The following PDE11A variants were observed in gnomAD, a reference collection of about 807,000 sequenced individuals.
PDE11A encodes dual 3',5'-cyclic-AMP and -GMP phosphodiesterase 11A.
Under a neutral mutation model 100.5 loss-of-function variants are expected in PDE11A, and 100 were observed. That is an observed-to-expected ratio of 1.00 (90% CI 0.85 to 1.18). PDE11A has a LOEUF of 1.18. PDE11A is among the 50% of genes most tolerant of loss of function. PDE11A has a pLI of 0.00. For missense variants in PDE11A, 1,141 were observed against 1,152.6 expected (o/e 0.99, Z 0.15); for synonymous variants, 381 against 420.8 (o/e 0.91, Z 1.16).
intron 2 of PDE11A, among the ~76,000 whole-genome samples, chr2:178,093,797 T>TGGA (rs1205029670): frequency 6.6e-6 from 1 of 152,172 alleles, no homozygotes; most frequent in East Asian, 1.9e-4. Context: ...TTTTACACCA[T>TGGA]GGAGGACCAG....
intron 1 of PDE11A, among the ~76,000 whole-genome samples, chr2:178,050,751 G>A (rs1025428565): frequency 6.6e-6 from 1 of 152,186 alleles, no homozygotes; most frequent in Non-Finnish European, 1.5e-5. Flanking sequence ...GGAAGAAAGG[G>A]TATCAGTGAT....
At chr2:177,667,158 G>A (rs1345102549) in intron 18 of PDE11A, among the ~76,000 whole-genome samples, 1 of 151,912 alleles carries the variant, frequency 6.6e-6, no homozygotes, top group African/African-American at 2.4e-5. Flanking sequence ...AAGTGATCAG[G>A]CCGCCTCAGC....
At chr2:178,073,166 G>A (rs976417309), upstream of PDE11A, 8 of 659,282 alleles carry the variant, frequency 1.2e-5, no homozygotes, top group Non-Finnish European at 1.5e-5. Context: ...GGACTCCGAG[G>A]AATCGAGAGT....
At position 177,624,239 on chromosome 2, in the gene PDE11A, A is replaced by T. The variant is rs998452830; in HGVS notation, c.*5168T>A. 1.4e-5 allele frequency: 2 copies of T among 142,064 alleles called. No individual in the cohort carries two copies. Among genetic ancestry groups the T allele is most frequent in the African/African-American group, 5.1e-5 (2 of 39,410 alleles). 8.8% of individuals were successfully genotyped at this position (142,064 alleles called of 1,614,324 possible). A position where few individuals can be genotyped will look rare whatever the true frequency, so the allele number is the denominator to read the frequency against. ...TAGGTTTTGTTCTGTTGCTTTAATG[A>T]ATCCTTTTTGTGTTTTGGTGGTTTT... On this transcript the variant is annotated 3_prime_UTR_variant, in exon 20 of 20. Transcript: ENST00000286063.
chr2:177,919,867 A>G (rs574626568), intron 2 of PDE11A, among the ~76,000 whole-genome samples: 4 of 152,306 alleles, frequency 2.6e-5, no homozygotes, highest in Admixed American at 6.5e-5. Flanking sequence ...AAATAAGAGG[A>G]ACCAATTGTA....
chr2:178,068,650 C>T (rs2087082605), intron 1 of PDE11A, among the ~76,000 whole-genome samples: 1 of 152,070 alleles, frequency 6.6e-6, no homozygotes, highest in Non-Finnish European at 1.5e-5. Flanking sequence ...CTTCAAGATG[C>T]TTGCATATAT....
At chr2:178,005,254 A>G (rs2086192366) in intron 2 of PDE11A, among the ~76,000 whole-genome samples, 1 of 152,062 alleles carries the variant, frequency 6.6e-6, no homozygotes, top group South Asian at 2.1e-4. Flanking sequence ...CTAGTGAAAT[A>G]CCCTACTTTA....
chr2:177,885,431 G>T (rs2365899), intron 4 of PDE11A, among the ~76,000 whole-genome samples: 43,504 of 151,962 alleles, frequency 0.29, 6,394 homozygotes, highest in Middle Eastern at 0.37. Flanking sequence ...TGGTATCCAT[G>T]CGCTGTCCTG....
At chr2:178,034,937 C>T (rs566306245) in intron 1 of PDE11A, among the ~76,000 whole-genome samples, 54 of 152,082 alleles carry the variant, frequency 3.6e-4, no homozygotes, top group African/African-American at 1.2e-3. Context: ...GATCTAAAAT[C>T]GGCACCCTAA....
chr2:178,000,621 A>G (rs2086132728), intron 2 of PDE11A, among the ~76,000 whole-genome samples: 1 of 152,238 alleles, frequency 6.6e-6, no homozygotes, highest in Admixed American at 6.5e-5. Flanking sequence ...ATTGAAGAAA[A>G]TGAAAATATT....
chr2:177,826,335 TATA>T (rs2083225318), intron 6 of PDE11A, among the ~76,000 whole-genome samples: 1 of 152,216 alleles, frequency 6.6e-6, no homozygotes. Flanking sequence ...TTGGTGATAA[TATA>T]ATACTATTTA....
chr2:177,713,980 C>CTTTTTTCT (rs2081394927), intron 12 of PDE11A, among the ~76,000 whole-genome samples: 1 of 77,842 alleles, frequency 1.3e-5, no homozygotes, highest in Non-Finnish European at 2.8e-5. Flanking sequence ...TATTTCTTTT[C>CTTTTTTCT]TTTTTTCTTT....
intron 1 of PDE11A, among the ~76,000 whole-genome samples, chr2:178,021,508 G>T (rs6746482): frequency 0.85 from 128,804 of 152,078 alleles, 54,766 homozygotes; most frequent in East Asian, 1. Context: ...AGGCATAAAT[G>T]AATTATAGTA....
At chr2:177,916,768 GTTTA>G (rs1324276239) in intron 2 of PDE11A, among the ~76,000 whole-genome samples, 1 of 150,586 alleles carries the variant, frequency 6.6e-6, no homozygotes, top group Admixed American at 6.6e-5. Context: ...TTAATTATTT[GTTTA>G]TTTATGAGAT....
intron 19 of PDE11A, among the ~76,000 whole-genome samples, chr2:177,634,769 A>T (rs2080012999): frequency 6.6e-6 from 1 of 152,234 alleles, no homozygotes; most frequent in Non-Finnish European, 1.5e-5. Flanking sequence ...TAGTAAAGCA[A>T]GGGTTTATCC....
chr2:177,827,543 C>G (rs1389333108), intron 6 of PDE11A, among the ~76,000 whole-genome samples: 7 of 152,188 alleles, frequency 4.6e-5, no homozygotes, highest in Admixed American at 4.6e-4. Flanking sequence ...TCTGAAAATT[C>G]TCTCCATAAC....
intron 1 of PDE11A, among the ~76,000 whole-genome samples, chr2:178,052,341 A>C (rs917774396): frequency 9.2e-5 from 14 of 152,248 alleles, no homozygotes; most frequent in African/African-American, 2.7e-4. Context: ...ACATACCAGA[A>C]TCTCTGGGAC....
intron 9 of PDE11A, among the ~76,000 whole-genome samples, chr2:177,807,633 C>G (rs1236579461): frequency 3.3e-5 from 5 of 152,036 alleles, no homozygotes; most frequent in Non-Finnish European, 5.9e-5. Flanking sequence ...GCCATGTTGC[C>G]CAGGCTGGTC....
At chr2:177,629,973 C>T (rs72941565) in intron 19 of PDE11A, among the ~76,000 whole-genome samples, 2,445 of 152,304 alleles carry the variant, frequency 0.016, 26 homozygotes, top group Non-Finnish European at 0.025. Flanking sequence ...ACAAAATAAT[C>T]CTACAATTGC....
Sources: allele counts gnomAD v4.1 joint callset (sites outside exome capture counted in the v4.1 genomes callset), GRCh38; gene constraint gnomAD v4.1.1; transcripts MANE v1.5; gene names NCBI Gene and HGNC (gene_info 2026-07-23, HGNC 2026-07-21).